ARL15: variants seen among roughly 807,000 people sequenced by gnomAD.
ARL15 encodes the protein ADP-ribosylation factor-like protein 15.
In ARL15, 19 loss-of-function variants were observed where a neutral mutation model predicts 25.2. The observed-to-expected ratio is 0.75, with a 90% CI of 0.53 to 1.10. The LOEUF is 1.10. ARL15 is among the 50% of genes least tolerant of loss of function. The pLI, the probability that ARL15 is intolerant of heterozygous loss-of-function variation, is 0.00. For synonymous variants in ARL15, 94 were observed against 86.8 expected (o/e 1.08, Z -0.46); for missense variants, 220 against 246.0 (o/e 0.89, Z 0.71).
At chr5:53,933,428 G>A (rs1299651131) in intron 4 of ARL15, among the ~76,000 whole-genome samples, 4 of 152,006 alleles carry the variant, frequency 2.6e-5, no homozygotes, top group African/African-American at 7.2e-5. Flanking sequence ...GGGCGATCAC[G>A]AGGTCAGGAG....
chr5:54,126,580 T>G (rs1257778477), intron 3 of ARL15, among the ~76,000 whole-genome samples: 1 of 152,236 alleles, frequency 6.6e-6, no homozygotes, highest in African/African-American at 2.4e-5. Context: ...GGGAACTTGG[T>G]CCTCAATCCA....
intron 4 of ARL15, among the ~76,000 whole-genome samples, chr5:54,047,718 A>C (rs970240521): frequency 1.3e-5 from 2 of 152,206 alleles, no homozygotes; most frequent in African/African-American, 4.8e-5. Context: ...GTTACACTGA[A>C]TTACCAAGGT....
At chr5:53,937,692 C>T (rs1172689489) in intron 4 of ARL15, among the ~76,000 whole-genome samples, 3 of 152,144 alleles carry the variant, frequency 2.0e-5, no homozygotes, top group Non-Finnish European at 2.9e-5. Context: ...CAGGCAGGCT[C>T]TACCACCTGG....
intron 3 of ARL15, chr5:54,154,360 G>A: frequency 2.5e-6 from 1 of 407,600 alleles, no homozygotes; most frequent in Non-Finnish European, 4.3e-6. Flanking sequence ...GTAATTCTTT[G>A]ATTCATTCAA....
At chr5:54,191,553 A>C (rs1362839056) in intron 1 of ARL15, among the ~76,000 whole-genome samples, 5 of 152,142 alleles carry the variant, frequency 3.3e-5, no homozygotes, top group Non-Finnish European at 7.3e-5. Context: ...TCCTCCTGAA[A>C]CTTTCCTCCT....
At chr5:54,036,213 A>T (rs557819246) in intron 4 of ARL15, among the ~76,000 whole-genome samples, 4 of 152,304 alleles carry the variant, frequency 2.6e-5, no homozygotes, top group African/African-American at 9.6e-5. Flanking sequence ...AATCAAAGAA[A>T]AACATCAAAT....
At chr5:54,226,461 G>C (rs1756521063) in intron 1 of ARL15, among the ~76,000 whole-genome samples, 1 of 152,128 alleles carries the variant, frequency 6.6e-6, no homozygotes, top group Admixed American at 6.5e-5. Flanking sequence ...GAGAGGCCAG[G>C]CCTCCAGCCA....
At chr5:54,006,398 G>A (rs183602894) in intron 4 of ARL15, among the ~76,000 whole-genome samples, 1 of 151,782 alleles carries the variant, frequency 6.6e-6, no homozygotes, top group African/African-American at 2.4e-5. Context: ...ATGGATATAT[G>A]TGTGTAAATA....
intron 3 of ARL15, among the ~76,000 whole-genome samples, chr5:54,148,362 A>G (rs758259126): frequency 3.4e-4 from 51 of 152,238 alleles, no homozygotes; most frequent in Non-Finnish European, 6.5e-4. Context: ...CATCTGTTTC[A>G]TATAACAGCT....
At chr5:54,236,475 C>A (rs1448928899) in intron 1 of ARL15, among the ~76,000 whole-genome samples, 1 of 151,838 alleles carries the variant, frequency 6.6e-6, no homozygotes, top group African/African-American at 2.4e-5. Context: ...ACTACAACCA[C>A]TAAGGAGCAT....
At chr5:53,923,786 A>AC (rs1208744919) in intron 4 of ARL15, among the ~76,000 whole-genome samples, 1 of 152,074 alleles carries the variant, frequency 6.6e-6, no homozygotes, top group Non-Finnish European at 1.5e-5. Flanking sequence ...AATGGCATGA[A>AC]CCCAGGAGGC....
At chr5:54,286,349 T>C (rs1343998151) in intron 1 of ARL15, 3 of 152,230 alleles carry the variant, frequency 2.0e-5, no homozygotes, top group African/African-American at 7.2e-5. Context: ...AGAGCATCTA[T>C]ACTTCCAAGC....
intron 3 of ARL15, among the ~76,000 whole-genome samples, chr5:54,134,885 A>G (rs920421928): frequency 1.3e-5 from 2 of 152,012 alleles, no homozygotes; most frequent in Non-Finnish European, 2.9e-5. Flanking sequence ...GCCCAGCTGG[A>G]ATGATTACAT....
At chr5:54,262,405 G>A (rs1057445584) in intron 1 of ARL15, among the ~76,000 whole-genome samples, 1 of 152,128 alleles carries the variant, frequency 6.6e-6, no homozygotes. Flanking sequence ...GAATCAGAAC[G>A]TGCCTTTGTG....
intron 3 of ARL15, among the ~76,000 whole-genome samples, chr5:54,126,604 G>A (rs189251891): frequency 6.6e-6 from 1 of 152,152 alleles, no homozygotes; most frequent in Non-Finnish European, 1.5e-5. Flanking sequence ...GTGTTGGGGG[G>A]TAGGGCCTAA....
intron 1 of ARL15, among the ~76,000 whole-genome samples, chr5:54,294,758 A>G (rs1758423501): frequency 6.6e-6 from 1 of 152,258 alleles, no homozygotes. Context: ...AATACTACTC[A>G]TAGTGTTAGA....
intron 1 of ARL15, among the ~76,000 whole-genome samples, chr5:54,214,665 T>C (rs184711890): frequency 6.6e-6 from 1 of 152,322 alleles, no homozygotes; most frequent in Non-Finnish European, 1.5e-5. Flanking sequence ...ACACCATGTT[T>C]AACACGAAAC....
At chr5:53,995,231 C>T (rs1382425259) in intron 4 of ARL15, among the ~76,000 whole-genome samples, 6 of 149,182 alleles carry the variant, frequency 4.0e-5, no homozygotes, top group African/African-American at 1.2e-4. Flanking sequence ...TTGCTTGAAC[C>T]CGGGAAGTGG....
intron 4 of ARL15, among the ~76,000 whole-genome samples, chr5:54,102,477 A>G (rs1752469695): frequency 6.6e-6 from 1 of 152,158 alleles, no homozygotes; most frequent in African/African-American, 2.4e-5. Flanking sequence ...AATAATAATA[A>G]CAGTAGTAAC....
Sources: allele counts gnomAD v4.1 joint callset (sites outside exome capture counted in the v4.1 genomes callset), GRCh38; gene constraint gnomAD v4.1.1; transcripts MANE v1.5; gene names NCBI Gene and HGNC (gene_info 2026-07-23, HGNC 2026-07-21).